Variants in ANXA4 observed in about 807,000 individuals in gnomAD.
ANXA4 encodes the protein 35-beta calcimedin.
Under a neutral mutation model 49.8 loss-of-function variants are expected in ANXA4, and 39 were observed. The observed-to-expected ratio is 0.78, with a 90% CI of 0.61 to 1.02. The LOEUF is 1.02. Ranked by LOEUF, ANXA4 falls within the 50% of genes least tolerant of loss-of-function variation. The pLI, the probability that ANXA4 is intolerant of heterozygous loss-of-function variation, is 0.00. For missense variants in ANXA4, 360 were observed against 410.1 expected (o/e 0.88, Z 1.05); for synonymous variants, 134 against 152.5 (o/e 0.88, Z 0.89).
intron 2 of ANXA4, among the ~76,000 whole-genome samples, chr2:69,654,260 T>C (rs1405266253): frequency 6.6e-6 from 1 of 152,198 alleles, no homozygotes; most frequent in Non-Finnish European, 1.5e-5. Context: ...TCTCTTTCTA[T>C]TTGAATACTC....
intron 1 of ANXA4, among the ~76,000 whole-genome samples, chr2:69,770,769 A>AAATTTATAAATGTG (rs1559169249): frequency 2.0e-5 from 3 of 151,824 alleles, no homozygotes; most frequent in Admixed American, 1.3e-4. Flanking sequence ...ACGTGCAGAC[A>AAATTTATAAATGTG]CACACATATT....
chr2:69,760,313 C>T (rs1393347405), intron 1 of ANXA4, among the ~76,000 whole-genome samples: 2 of 152,112 alleles, frequency 1.3e-5, no homozygotes, highest in Non-Finnish European at 2.9e-5. Flanking sequence ...TTTGAATACA[C>T]ATATGGTTTA....
chr2:69,695,218 A>C (rs1422597539), intron 2 of ANXA4, among the ~76,000 whole-genome samples: 1 of 152,132 alleles, frequency 6.6e-6, no homozygotes, highest in Non-Finnish European at 1.5e-5. Flanking sequence ...CATTCAAGCT[A>C]TTTCCATATA....
chr2:69,781,752 C>A (rs1672208488), intron 2 of ANXA4, among the ~76,000 whole-genome samples, 178 bp downstream of exon 2: 1 of 152,094 alleles, frequency 6.6e-6, no homozygotes, highest in Non-Finnish European at 1.5e-5. Context: ...GGGTGGTAAG[C>A]AACTTGACCT....
At chr2:69,747,214 C>A (rs540952981) in intron 1 of ANXA4, among the ~76,000 whole-genome samples, 2 of 152,180 alleles carry the variant, frequency 1.3e-5, no homozygotes, top group South Asian at 2.1e-4. Flanking sequence ...CTCACCTCCC[C>A]GCCACCCCAG....
intron 2 of ANXA4, among the ~76,000 whole-genome samples, chr2:69,660,761 CAGAA>C (rs1221041589): frequency 1.3e-5 from 2 of 148,426 alleles, no homozygotes; most frequent in Non-Finnish European, 3.0e-5. Context: ...GGCTATTTGC[CAGAA>C]GGGAGGGAGG....
At chr2:69,798,306 T>C (rs1573279920) in intron 3 of ANXA4, among the ~76,000 whole-genome samples, 1 of 152,206 alleles carries the variant, frequency 6.6e-6, no homozygotes. Flanking sequence ...ACCTGCCTAA[T>C]TGAATTATTT....
At chr2:69,791,246 G>C (rs746976590) in intron 3 of ANXA4, among the ~76,000 whole-genome samples, 9 of 152,184 alleles carry the variant, frequency 5.9e-5, no homozygotes, top group Non-Finnish European at 1.0e-4. Flanking sequence ...AGACTGTGTA[G>C]ACAGATATGA....
rs1372481348 is a variant in ANXA4 at position 69,759,125 on chromosome 2, G to A, written c.-47+16950G>A. Among the ~76,000 whole-genome samples, 16 of 95,464 alleles carry A rather than the reference G, an allele frequency of 1.7e-4. No individual in the cohort carries two copies. In the South Asian group the frequency reaches 3.7e-3, roughly 22 times the overall value. The allele number at this position is 95,464 out of a possible 152,430, so 62.6% of individuals were successfully genotyped here. ...CACTCCAGCGACAGAGAGAGACTCTGTCTCAAAAAAAAAAAAAAAAAAAGA... is the reference window on the plus strand; with the variant it reads ...CACTCCAGCGACAGAGAGAGACTCTATCTCAAAAAAAAAAAAAAAAAAAGA... On this transcript the variant is annotated intron_variant, in intron 1 of 12. Coordinates refer to ENST00000394295, the MANE Select transcript of ANXA4 (RefSeq NM_001153.5).
chr2:69,661,237 A>AG (rs1676706667), intron 2 of ANXA4, among the ~76,000 whole-genome samples: 1 of 151,582 alleles, frequency 6.6e-6, no homozygotes, highest in Non-Finnish European at 1.5e-5. Flanking sequence ...AAAAAAAAAA[A>AG]GCTGAGAAAA....
At chr2:69,709,640 C>T (rs1206630390) in intron 2 of ANXA4, among the ~76,000 whole-genome samples, 1 of 152,202 alleles carries the variant, frequency 6.6e-6, no homozygotes, top group Non-Finnish European at 1.5e-5. Flanking sequence ...ACATGGCAAC[C>T]TCGCTAGGTA....
intron 8 of ANXA4, among the ~76,000 whole-genome samples, chr2:69,813,280 C>G (rs1211425273): frequency 2.7e-5 from 4 of 150,462 alleles, no homozygotes; most frequent in African/African-American, 9.8e-5. Flanking sequence ...TGGAGTTTCA[C>G]TCTTGTTGCC....
chr2:69,818,923 G>A (rs1047059199), intron 10 of ANXA4, among the ~76,000 whole-genome samples: 1 of 152,170 alleles, frequency 6.6e-6, no homozygotes, highest in African/African-American at 2.4e-5. Flanking sequence ...TGTCCTATGT[G>A]AAAGGTAATA....
At position 69,788,794 on chromosome 2, in the gene ANXA4, C is replaced by T. The variant is rs1204168104; in HGVS notation, c.97+653C>T. 3.4e-5 allele frequency among the ~76,000 whole-genome samples: 5 copies of T among 146,328 alleles called. No homozygotes were observed. In the East Asian group the frequency reaches 8.1e-4, roughly 24 times the overall value. On this transcript the variant is annotated intron_variant, in intron 3 of 12. Transcript: ENST00000394295. The stretch of plus-strand genomic sequence containing the variant: ...TGGAGCTTGCAGTGAGCTGAGATTG[C>T]ACCACTGCACTCCAGGCTGGGCGAC...
intron 2 of ANXA4, among the ~76,000 whole-genome samples, chr2:69,673,727 C>T (rs1302351508): frequency 7.2e-6 from 1 of 139,034 alleles, no homozygotes; most frequent in Non-Finnish European, 1.6e-5. Context: ...CACACACACA[C>T]AAAGTGAAGG....
At position 69,757,516 on chromosome 2, in the gene ANXA4, G is replaced by A. The variant is rs1208674369; in HGVS notation, c.-47+15341G>A. Among the ~76,000 whole-genome samples, 19 of 145,960 alleles carry A rather than the reference G, an allele frequency of 1.3e-4. No individual in the cohort carries two copies. In the South Asian group the frequency reaches 1.8e-3, roughly 13 times the overall value. ...TCTCGATCTCCTGACCTCGTCATCC[G>A]CCTGCCTCGGCCTCCCAAAGTTCTG... On this transcript the variant is annotated intron_variant, in intron 1 of 12. Transcript: ENST00000394295.
At chr2:69,704,109 A>G (rs1369398559) in intron 2 of ANXA4, among the ~76,000 whole-genome samples, 2 of 152,194 alleles carry the variant, frequency 1.3e-5, no homozygotes, top group African/African-American at 4.8e-5. Flanking sequence ...AAATTTTTAA[A>G]TATTTTTATT....
intron 4 of ANXA4, 57 bp from the exon 5 acceptor site, chr2:69,806,328 G>A (rs1217087898): frequency 4.7e-6 from 6 of 1,280,214 alleles, no homozygotes; most frequent in African/African-American, 1.5e-5. Context: ...CACACCTGGA[G>A]AGTAGCTGGT....
intron 1 of ANXA4, among the ~76,000 whole-genome samples, chr2:69,780,041 A>G (rs897913640): frequency 3.3e-5 from 5 of 152,250 alleles, no homozygotes; most frequent in African/African-American, 1.2e-4. Context: ...AGGTGGGTTA[A>G]GAAGGACTTA....
Sources: allele counts gnomAD v4.1 joint callset (sites outside exome capture counted in the v4.1 genomes callset), GRCh38; gene constraint gnomAD v4.1.1; transcripts MANE v1.5; gene names NCBI Gene and HGNC (gene_info 2026-07-23, HGNC 2026-07-21).